The following ULK4 variants were observed in gnomAD, a reference collection of about 807,000 sequenced individuals.
ULK4 encodes unc-51 like kinase 4, also known as inactive serine/threonine-protein kinase ULK4.
ULK4 carries 133 observed loss-of-function variants against 160.6 expected under a neutral mutation model. The observed-to-expected ratio is 0.83, with a 90% CI of 0.72 to 0.96. The LOEUF (loss-of-function observed/expected upper bound fraction) is 0.96, where lower values mean the gene tolerates loss of function less well. ULK4 is among the 40% of genes least tolerant of loss of function. ULK4 has a pLI of 0.00. For synonymous variants in ULK4, 534 were observed against 539.8 expected (o/e 0.99, Z 0.15); for missense variants, 1,580 against 1,499.5 (o/e 1.05, Z -0.89).
chr3:41,328,185 T>C (rs1047216017), intron 35 of ULK4, among the ~76,000 whole-genome samples: 4 of 152,136 alleles, frequency 2.6e-5, no homozygotes, highest in African/African-American at 4.8e-5. Flanking sequence ...TCGAACATTA[T>C]GGGGAGTTCT....
At chr3:41,822,044 T>C (rs1009049148) in intron 18 of ULK4, among the ~76,000 whole-genome samples, 1 of 152,192 alleles carries the variant, frequency 6.6e-6, no homozygotes, top group Non-Finnish European at 1.5e-5. Flanking sequence ...GTTTTCAGTC[T>C]CCACTCTACT....
At chr3:41,868,581 G>A (rs1696981642) in intron 17 of ULK4, among the ~76,000 whole-genome samples, 1 of 152,166 alleles carries the variant, frequency 6.6e-6, no homozygotes, top group African/African-American at 2.4e-5. Flanking sequence ...TACGCCTCCA[G>A]GTTTCAAGCC....
chr3:41,531,535 GAAAT>G (rs2086320353), intron 32 of ULK4, among the ~76,000 whole-genome samples: 2 of 142,468 alleles, frequency 1.4e-5, no homozygotes, highest in African/African-American at 5.2e-5. Context: ...AAAAAAAAAA[GAAAT>G]AAACATCCTT....
At position 41,771,267 on chromosome 3, in the gene ULK4, C is replaced by T. The variant is rs114306851; in HGVS notation, c.2194-16779G>A. On this transcript the variant is annotated intron_variant, in intron 21 of 36. Coordinates refer to ENST00000301831, the MANE Select transcript of ULK4 (RefSeq NM_017886.4). ...AAGTTAATTAGTTTAATAATCCAAA[C>T]CATTTTCAATGAGAGATGGAGTTCC... 5.6e-3 allele frequency among the ~76,000 whole-genome samples: 853 copies of T among 152,190 alleles called. 7 individuals carry two copies. The highest frequency in any genetic ancestry group is 0.019 in the African/African-American group (799 of 41,546).
At chr3:41,692,172 C>T (rs1168908584) in intron 27 of ULK4, among the ~76,000 whole-genome samples, 5 of 151,378 alleles carry the variant, frequency 3.3e-5, no homozygotes, top group African/African-American at 7.3e-5. Flanking sequence ...AGGATCGTCT[C>T]GATCTCCTGA....
intron 31 of ULK4, among the ~76,000 whole-genome samples, chr3:41,580,376 ATTT>A (rs554626822): frequency 1.8e-4 from 27 of 147,550 alleles, no homozygotes; most frequent in African/African-American, 5.2e-4. Context: ...CCAATTATTT[ATTT>A]TTTTTTTTTT....
chr3:41,610,361 T>C (rs2032614189), intron 31 of ULK4, among the ~76,000 whole-genome samples: 1 of 152,168 alleles, frequency 6.6e-6, no homozygotes, highest in South Asian at 2.1e-4. Context: ...TTTTCACCCA[T>C]GTGCATAGCA....
intron 31 of ULK4, among the ~76,000 whole-genome samples, chr3:41,584,307 T>C (rs1353284604): frequency 6.6e-6 from 1 of 152,182 alleles, no homozygotes; most frequent in Non-Finnish European, 1.5e-5. Context: ...ACTTTTTTCT[T>C]TTGAGAAAGA....
At chr3:41,492,502 G>C (rs915513908) in intron 32 of ULK4, among the ~76,000 whole-genome samples, 13 of 149,930 alleles carry the variant, frequency 8.7e-5, no homozygotes, top group African/African-American at 3.2e-4. Context: ...ATTGAGACTA[G>C]GAAGAAACTG....
chr3:41,566,337 G>A (rs1168849200), intron 31 of ULK4, among the ~76,000 whole-genome samples: 2 of 152,202 alleles, frequency 1.3e-5, no homozygotes, highest in Non-Finnish European at 2.9e-5. Context: ...AAATCACCCA[G>A]ACACCAGTGC....
At chr3:41,639,490 G>A (rs750804869) in intron 30 of ULK4, among the ~76,000 whole-genome samples, 5 of 152,188 alleles carry the variant, frequency 3.3e-5, no homozygotes, top group Admixed American at 6.5e-5. Context: ...CACTTTGGGA[G>A]GCCGAGTCAG....
At chr3:41,424,425 T>A (rs11129905) in intron 34 of ULK4, among the ~76,000 whole-genome samples, 6 of 151,978 alleles carry the variant, frequency 3.9e-5, no homozygotes, top group African/African-American at 1.5e-4. Context: ...GGACCAAAAG[T>A]GCTTCCTTAA....
chr3:41,956,146 G>A (rs527763762), intron 1 of ULK4, among the ~76,000 whole-genome samples: 268 of 152,288 alleles, frequency 1.8e-3, no homozygotes, highest in Non-Finnish European at 3.0e-3. Flanking sequence ...TGATTGGGGC[G>A]TAGTCTTGGT....
chr3:41,451,270 A>G (rs191807148), intron 34 of ULK4, among the ~76,000 whole-genome samples: 97 of 152,106 alleles, frequency 6.4e-4, no homozygotes, highest in African/African-American at 2.3e-3. Flanking sequence ...GGGACTTACA[A>G]ACACAAGGGA....
At chr3:41,894,932 AGCAAGGAC>A (rs2148784963) in intron 16 of ULK4, among the ~76,000 whole-genome samples, 1 of 152,340 alleles carries the variant, frequency 6.6e-6, no homozygotes, top group East Asian at 1.9e-4. Flanking sequence ...TTCTGTAAAA[AGCAAGGAC>A]ACTTCCTTCC....
intron 34 of ULK4, among the ~76,000 whole-genome samples, chr3:41,433,652 G>A (rs1025408959): frequency 1.1e-4 from 17 of 152,156 alleles, no homozygotes; most frequent in African/African-American, 4.1e-4. Flanking sequence ...CAGTACCACA[G>A]TCATCCAAAA....
intron 19 of ULK4, among the ~76,000 whole-genome samples, 183 bp downstream of exon 19, chr3:41,819,240 G>A (rs528214104): frequency 1.3e-5 from 2 of 152,222 alleles, no homozygotes; most frequent in African/African-American, 4.8e-5. Context: ...GAGAAAGCTA[G>A]ATCATTTTTA....
intron 18 of ULK4, among the ~76,000 whole-genome samples, chr3:41,833,817 C>T (rs2125650999): frequency 6.6e-6 from 1 of 152,104 alleles, no homozygotes; most frequent in East Asian, 1.9e-4. Context: ...GAGACAATTT[C>T]ACTTCCTCCC....
intron 29 of ULK4, among the ~76,000 whole-genome samples, chr3:41,671,117 C>T (rs892317938): frequency 6.6e-6 from 1 of 152,048 alleles, no homozygotes; most frequent in Non-Finnish European, 1.5e-5. Context: ...ATCCCATGCT[C>T]ACAGATCAGA....
Sources: allele counts gnomAD v4.1 joint callset (sites outside exome capture counted in the v4.1 genomes callset), GRCh38; gene constraint gnomAD v4.1.1; transcripts MANE v1.5; gene names NCBI Gene and HGNC (gene_info 2026-07-23, HGNC 2026-07-21).